SIPA1L1: variants seen among roughly 807,000 people sequenced by gnomAD.
The protein encoded by SIPA1L1 is signal-induced proliferation-associated 1-like protein 1.
A neutral mutation model predicts 162.7 loss-of-function variants in SIPA1L1; 26 were observed. That is an observed-to-expected ratio of 0.16 (90% CI 0.12 to 0.22). The LOEUF is 0.22. Ranked by LOEUF, SIPA1L1 falls within the 10% of genes least tolerant of loss-of-function variation. The pLI is 1.00. For missense variants in SIPA1L1, 1,874 were observed against 2,241.0 expected, an observed-to-expected ratio of 0.84 and a Z score of 3.31; for synonymous variants, 829 against 837.4, an observed-to-expected ratio of 0.99 and a Z score of 0.17.
At chr14:71,526,007 A>G (rs1316838914) in intron 3 of SIPA1L1, among the ~76,000 whole-genome samples, 1 of 152,132 alleles carries the variant, frequency 6.6e-6, no homozygotes, top group Admixed American at 6.5e-5. Context: ...TGAAACTTGG[A>G]AGAGGAGTTT....
chr14:71,589,373 A>G lies in SIPA1L1; in HGVS notation c.1498+3A>G, dbSNP rs1371809657. ...TAGAAAATTTTTCTACCAGAAGGGT[A>G]AGTAGAGATCCTTTATTTCTTACAT... On this transcript the variant is annotated splice_donor_region_variant and intron_variant, in intron 5 of 23. Coordinates refer to ENST00000381232, the MANE Select transcript of SIPA1L1 (RefSeq NM_001386936.1). 1.3e-6 allele frequency: 2 copies of G among 1,579,476 alleles called. No individual in the cohort carries two copies. Among genetic ancestry groups the G allele is most frequent in the Non-Finnish European group, 1.7e-6 (2 of 1,152,310 alleles).
chr14:71,598,574 T>C (rs549113152), intron 5 of SIPA1L1, among the ~76,000 whole-genome samples: 5 of 152,156 alleles, frequency 3.3e-5, no homozygotes, highest in African/African-American at 9.7e-5. Context: ...GTCAAGGTCA[T>C]GGAAGACAAG....
chr14:71,542,364 CTTCCTG>C (rs957313714), intron 4 of SIPA1L1, among the ~76,000 whole-genome samples: 24 of 104,144 alleles, frequency 2.3e-4, no homozygotes, highest in African/African-American at 4.7e-4. Context: ...CTTTCTTCTT[CTTCCTG>C]CTGCTGCTGC....
chr14:71,652,871 A>C (rs1417741935), intron 8 of SIPA1L1, among the ~76,000 whole-genome samples: 2 of 152,120 alleles, frequency 1.3e-5, no homozygotes, highest in African/African-American at 4.8e-5. Context: ...TTAGATCCCT[A>C]AACACATTTA....
At chr14:71,376,179 G>T (rs2039352878) in intron 2 of SIPA1L1, among the ~76,000 whole-genome samples, 1 of 151,970 alleles carries the variant, frequency 6.6e-6, no homozygotes, top group Admixed American at 6.6e-5. Flanking sequence ...TTCCATTTTT[G>T]AAATATTTTA....
chr14:71,322,486 G>A (rs2033174398), intron 2 of SIPA1L1, among the ~76,000 whole-genome samples: 1 of 152,178 alleles, frequency 6.6e-6, no homozygotes, highest in Admixed American at 6.5e-5. Context: ...AGGATAATAT[G>A]GAACAGTGGT....
chr14:71,680,327 C>T (rs964731084), intron 12 of SIPA1L1, among the ~76,000 whole-genome samples: 27 of 152,340 alleles, frequency 1.8e-4, no homozygotes, highest in African/African-American at 6.0e-4. Context: ...TGAATGACTA[C>T]TGGGTTTATA....
chr14:71,685,622 T>C lies in SIPA1L1; in HGVS notation c.3365T>C (p.Leu1122Pro). Residue 1122 changes from leucine to proline, a missense_variant, in exon 13 of 24, where the codon CTA (leucine) becomes CCA (proline). Leu to Pro is a moderately conservative substitution (Grantham distance 98). Coordinates refer to ENST00000381232, the MANE Select transcript of SIPA1L1 (RefSeq NM_001386936.1). ...PRSISSDGRPLERRLSPGSDI... is the reference protein window; with the variant it reads ...PRSISSDGRPPERRLSPGSDI... ...AGCATCTCCAGTGACGGGCGCCCACTAGAGAGGCGGTAAGTGTGCCTTCAA... is the reference window on the plus strand; with the variant it reads ...AGCATCTCCAGTGACGGGCGCCCACCAGAGAGGCGGTAAGTGTGCCTTCAA... The C allele has an allele frequency of 1.2e-6, 2 of 1,614,046 alleles. No individual in the cohort carries two copies. Among genetic ancestry groups the C allele is most frequent in the Non-Finnish European group, 1.7e-6 (2 of 1,179,958 alleles).
chr14:71,374,912 A>G (rs762064577), intron 2 of SIPA1L1, among the ~76,000 whole-genome samples: 44 of 152,122 alleles, frequency 2.9e-4, no homozygotes, highest in Non-Finnish European at 1.5e-4. Context: ...TATTTACAGT[A>G]TTATCATTTG....
chr14:71,598,121 C>T (rs1464924337), intron 5 of SIPA1L1: 3 of 731,398 alleles, frequency 4.1e-6, no homozygotes, highest in South Asian at 6.2e-5. Context: ...TCCTCTTCCT[C>T]TCTTTTCAGG....
chr14:71,449,071 G>A (rs1223283557), intron 2 of SIPA1L1: 1 of 152,240 alleles, frequency 6.6e-6, no homozygotes, highest in Non-Finnish European at 1.5e-5. Flanking sequence ...ATGAGAGACA[G>A]GTGTTTGCTC....
intron 4 of SIPA1L1, among the ~76,000 whole-genome samples, chr14:71,552,981 G>A (rs763858888): frequency 2.0e-5 from 3 of 151,898 alleles, no homozygotes; most frequent in Admixed American, 6.6e-5. Flanking sequence ...CTGCATCCCC[G>A]GCCTCTACCC....
intron 4 of SIPA1L1, among the ~76,000 whole-genome samples, chr14:71,580,463 G>A (rs1454490165): frequency 1.3e-5 from 2 of 152,166 alleles, no homozygotes; most frequent in Non-Finnish European, 2.9e-5. Context: ...GGGCACAAGG[G>A]AACTTTTATG....
intron 23 of SIPA1L1, among the ~76,000 whole-genome samples, 176 bp downstream of exon 23, chr14:71,738,501 C>T (rs1345118053): frequency 6.6e-6 from 1 of 152,120 alleles, no homozygotes; most frequent in Non-Finnish European, 1.5e-5. Context: ...AGGAGGCGTT[C>T]GGTGTCCGGT....
intron 15 of SIPA1L1, chr14:71,705,010 T>C: frequency 1.6e-6 from 1 of 611,266 alleles, no homozygotes; most frequent in Non-Finnish European, 2.9e-6. Flanking sequence ...GTGTATGACG[T>C]GACAAGTTGT....
chr14:71,362,739 GTT>G (rs1186696607), intron 2 of SIPA1L1, among the ~76,000 whole-genome samples: 1 of 151,960 alleles, frequency 6.6e-6, no homozygotes, highest in East Asian at 1.9e-4. Flanking sequence ...ATCCTGTAGT[GTT>G]GACTGTAGTC....
intron 6 of SIPA1L1, 65 bp from the exon 7 acceptor site, chr14:71,623,983 C>T (rs1383405680): frequency 7.3e-7 from 1 of 1,375,730 alleles, no homozygotes; most frequent in Non-Finnish European, 1.0e-6. Context: ...GCCTGCAGTG[C>T]ATGTACATGT....
In SIPA1L1 at chr14:71,671,184, T is replaced by A; in HGVS notation, c.2321T>A (p.Phe774Tyr). 1 of 1,614,126 alleles carries A rather than the reference T, an allele frequency of 6.2e-7. No individual in the cohort carries two copies. Among genetic ancestry groups the A allele is most frequent in the Non-Finnish European group, 8.5e-7 (1 of 1,179,982 alleles). Residue 774 changes from phenylalanine (F) to tyrosine (Y), a missense_variant, in exon 11 of 24, where the codon TTC (phenylalanine) becomes TAC (tyrosine). Physicochemically the swap from Phe to Tyr is conservative, Grantham distance 22 (BLOSUM62 3). Transcript: ENST00000381232. Reference sequence around the variant, plus strand: ...CCTCCCATTCCTAAAGGGGTCACTTTCCCTAAGTCAAATGTGTTCAGGGAC... The same window carrying A: ...CCTCCCATTCCTAAAGGGGTCACTTACCCTAAGTCAAATGTGTTCAGGGAC... ...FGPPIPKGVT[F>Y]PKSNVFRDFL...
At chr14:71,708,015 G>GTT (rs34838057) in intron 16 of SIPA1L1, among the ~76,000 whole-genome samples, 206 of 100,092 alleles carry the variant, frequency 2.1e-3, no homozygotes, top group Non-Finnish European at 2.9e-3. Context: ...GTTTTTTGGT[G>GTT]TTTTTTTTTT....
Sources: gnomAD v4.1 joint callset for allele counts (sites outside exome capture counted in the v4.1 genomes callset) on GRCh38, gnomAD v4.1.1 for gene constraint, MANE v1.5 for transcripts, NCBI Gene and HGNC (gene_info 2026-07-23, HGNC 2026-07-21) for gene names.